The following SH2B3 variants were observed in gnomAD, a reference collection of about 807,000 sequenced individuals.
The protein encoded by SH2B3 is SH2B adapter protein 3.
SH2B3 carries 43 observed loss-of-function variants against 51.9 expected under a neutral mutation model. That is an observed-to-expected ratio of 0.83 (90% CI 0.65 to 1.07). The LOEUF is 1.07. Among genes scored for constraint, SH2B3 ranks in the 50% least tolerant of loss-of-function variants. The pLI is 0.00. For synonymous variants in SH2B3, 396 were observed against 376.0 expected (o/e 1.05, Z -0.62); for missense variants, 952 against 834.3 (o/e 1.14, Z -1.74).
chr12:111,411,325 G>T (rs1258411621), intron 1 of SH2B3, among the ~76,000 whole-genome samples: 3 of 149,802 alleles, frequency 2.0e-5, no homozygotes, highest in Non-Finnish European at 3.0e-5. Context: ...CTACACTCCA[G>T]CCTGGGTGAC....
chr12:111,416,142 C>T (rs1218229133), intron 1 of SH2B3, among the ~76,000 whole-genome samples: 1 of 151,918 alleles, frequency 6.6e-6, no homozygotes, highest in Non-Finnish European at 1.5e-5. Flanking sequence ...TGGGGTTTCA[C>T]CGTGTTAGCC....
intron 2 of SH2B3, among the ~76,000 whole-genome samples, chr12:111,423,606 G>A (rs983627080): frequency 1.2e-4 from 19 of 152,066 alleles, no homozygotes; most frequent in Non-Finnish European, 1.3e-4. Flanking sequence ...TCCTGACCTC[G>A]TTATCTGCCC....
chr12:111,425,932 G>A, intron 2 of SH2B3, among the ~76,000 whole-genome samples: 1 of 152,226 alleles, frequency 6.6e-6, no homozygotes, highest in Non-Finnish European at 1.5e-5. Context: ...AGACAGGTCA[G>A]CAAGAGAAAA....
At chr12:111,436,892 C>G (rs1304769410) in intron 2 of SH2B3, among the ~76,000 whole-genome samples, 4 of 151,952 alleles carry the variant, frequency 2.6e-5, no homozygotes, top group Non-Finnish European at 2.9e-5. Context: ...TCTGGCTAAT[C>G]ACTTCCCCCG....
At position 111,406,862 on chromosome 12, in the gene SH2B3, C is replaced by T. The variant is rs919748371; in HGVS notation, c.-28+585C>T. 1.3e-5 allele frequency among the ~76,000 whole-genome samples: 2 copies of T among 152,198 alleles called. No individual in the cohort carries two copies. The highest frequency in any genetic ancestry group is 2.9e-5 in the Non-Finnish European group (2 of 68,022). On this transcript the variant is annotated intron_variant, in intron 1 of 7. Transcript: ENST00000341259. The surrounding 1 kb of genome is among the most constrained non-coding windows in gnomAD (Gnocchi z 5.7). Reference sequence around the variant, plus strand: ...CATGCTGCTGAATTGGGCGGTTCACCAGGGCTAGGCGTCCCAGAGACAGGT... The same window carrying T: ...CATGCTGCTGAATTGGGCGGTTCACTAGGGCTAGGCGTCCCAGAGACAGGT...
At chr12:111,422,713 A>G (rs1871656023) in intron 2 of SH2B3, among the ~76,000 whole-genome samples, 1 of 152,042 alleles carries the variant, frequency 6.6e-6, no homozygotes, top group East Asian at 1.9e-4. Flanking sequence ...GGCGCATGCT[A>G]CCACGCCTGG....
intron 2 of SH2B3, among the ~76,000 whole-genome samples, chr12:111,432,241 G>A (rs932638438): frequency 5.3e-5 from 8 of 151,930 alleles, no homozygotes; most frequent in African/African-American, 4.8e-5. Flanking sequence ...TAGTAGAGAC[G>A]GGGTTTCACC....
At chr12:111,412,425 C>G (rs1398504840) in intron 1 of SH2B3, among the ~76,000 whole-genome samples, 2 of 152,188 alleles carry the variant, frequency 1.3e-5, no homozygotes, top group Non-Finnish European at 2.9e-5. Flanking sequence ...CATGACGCCC[C>G]GAGCCCAGCC....
intron 2 of SH2B3, among the ~76,000 whole-genome samples, chr12:111,433,361 A>G (rs542182364): frequency 6.6e-6 from 1 of 152,300 alleles, no homozygotes; most frequent in South Asian, 2.1e-4. Context: ...AGAAAAAAAA[A>G]TGACTATATA....
At chr12:111,424,887 G>A (rs1871868932) in intron 2 of SH2B3, among the ~76,000 whole-genome samples, 1 of 152,216 alleles carries the variant, frequency 6.6e-6, no homozygotes, top group Non-Finnish European at 1.5e-5. Context: ...AGTGGGTGGT[G>A]GCGAAGGGCT....
chr12:111,422,419 C>T (rs796560785), intron 2 of SH2B3, among the ~76,000 whole-genome samples: 22 of 152,056 alleles, frequency 1.4e-4, no homozygotes, highest in African/African-American at 4.4e-4. Flanking sequence ...GGAATTTGGT[C>T]GTTTGTGAAG....
intron 2 of SH2B3, among the ~76,000 whole-genome samples, chr12:111,426,260 C>T (rs772848616): frequency 6.6e-6 from 1 of 152,100 alleles, no homozygotes; most frequent in African/African-American, 2.4e-5. Context: ...TGGATGGCTC[C>T]TACCCAGGAA....
In SH2B3 at chr12:111,409,398, TTTCCTGGGAAAACGGTCCCCAAGGGCCC is replaced by T. The variant is rs1057241800; in HGVS notation, c.-28+3122_-28+3149del. Among the ~76,000 whole-genome samples, 3 of 152,138 alleles carry T rather than the reference TTTCCTGGGAAAACGGTCCCCAAGGGCCC, an allele frequency of 2.0e-5. No individual in the cohort carries two copies. Among genetic ancestry groups the T allele is most frequent in the African/African-American group, 7.2e-5 (3 of 41,424 alleles). On this transcript the variant is annotated intron_variant, in intron 1 of 7. Transcript: ENST00000341259. This position sits in a 1 kb window ranked among gnomAD's most constrained non-coding sequence, Gnocchi z 4.0. The stretch of plus-strand genomic sequence containing the variant: ...TAGGGGCTGGCACTTAATTGCCAGG[TTTCCTGGGAAAACGGTCCCCAAGGGCCC>T]GCGGGCGTTCAGCATCTTTGACGAG...
At position 111,405,974 on chromosome 12, in the gene SH2B3, C is replaced by T. The variant is rs1013764179; in HGVS notation, c.-331C>T. ...CCGGGCCACCGCCTCCGCCCGGCTGCCCGCCCGGACTGTCGCGGCCCGCGG... is the reference window on the plus strand; with the variant it reads ...CCGGGCCACCGCCTCCGCCCGGCTGTCCGCCCGGACTGTCGCGGCCCGCGG... On this transcript the variant is annotated 5_prime_UTR_variant, in exon 1 of 8. Transcript: ENST00000341259. This position sits in a 1 kb window ranked among gnomAD's most constrained non-coding sequence, Gnocchi z 5.4. The T allele has an allele frequency of 2.0e-5, 3 of 151,630 alleles. No individual in the cohort carries two copies. Among genetic ancestry groups the T allele is most frequent in the Non-Finnish European group, 4.4e-5 (3 of 67,888 alleles). The allele number at this position is 151,630 out of a possible 1,614,324, so 9.4% of individuals were successfully genotyped here. A position where few individuals can be genotyped will look rare whatever the true frequency, so the allele number is the denominator to read the frequency against.
chr12:111,441,876 T>C (rs914759063), intron 2 of SH2B3, among the ~76,000 whole-genome samples: 17 of 152,138 alleles, frequency 1.1e-4, no homozygotes, highest in Non-Finnish European at 8.8e-5. Context: ...AGCAGCTGTC[T>C]CCCAGCTCTT....
Position 111,428,908 on chromosome 12 carries a change from G to A in SH2B3, c.732+10031G>A, listed in dbSNP as rs999050911. On this transcript the variant is annotated intron_variant, in intron 2 of 7. Coordinates refer to ENST00000341259, the MANE Select transcript of SH2B3 (RefSeq NM_005475.3). The stretch of plus-strand genomic sequence containing the variant: ...AGTCGGGCTCTGGGCCCAGAGCCTG[G>A]GCGGGGATGCAGGAGCCACCCCCAT... 5.3e-5 allele frequency among the ~76,000 whole-genome samples: 8 copies of A among 151,984 alleles called. 1 individual carries two copies. Among genetic ancestry groups the A allele is most frequent in the Admixed American group, 3.9e-4 (6 of 15,282 alleles).
At chr12:111,444,960 A>G in intron 2 of SH2B3, 1 of 819,134 alleles carries the variant, frequency 1.2e-6, no homozygotes, top group Non-Finnish European at 1.5e-6. Flanking sequence ...GAGTTGGGGA[A>G]GAACCCCTGG....
At chr12:111,437,778 C>T (rs577851003) in intron 2 of SH2B3, among the ~76,000 whole-genome samples, 1 of 152,138 alleles carries the variant, frequency 6.6e-6, no homozygotes, top group Non-Finnish European at 1.5e-5. Context: ...GGGCTGAGAT[C>T]ACCCATCACA....
rs1201046970 is a variant in SH2B3, at chr12:111,435,796, A to G, written c.733-10957A>G. 6.6e-6 allele frequency among the ~76,000 whole-genome samples: 1 copy of G among 152,126 alleles called. No homozygotes were observed. The highest frequency in any genetic ancestry group is 1.5e-5 in the Non-Finnish European group (1 of 68,022). ...CGAGGCGCAGAAGGCGTCACCTGAA[A>G]AAGGTGTGGCCAAGGGCAGGGGTGC... On this transcript the variant is annotated intron_variant, in intron 2 of 7. Coordinates refer to ENST00000341259, the MANE Select transcript of SH2B3 (RefSeq NM_005475.3). The surrounding 1 kb of genome is among the most constrained non-coding windows in gnomAD (Gnocchi z 4.8).
Sources: gnomAD v4.1 joint callset for allele counts (sites outside exome capture counted in the v4.1 genomes callset) on GRCh38, gnomAD v4.1.1 for gene constraint, Gnocchi (gnomAD v3.1) non-coding constraint, MANE v1.5 for transcripts, NCBI Gene and HGNC (gene_info 2026-07-23, HGNC 2026-07-21) for gene names.